Variants in SNTG1 observed in about 807,000 individuals in gnomAD.
SNTG1 encodes gamma-1-syntrophin.
In SNTG1, 39 loss-of-function variants were observed where a neutral mutation model predicts 74.7. The observed-to-expected ratio is 0.52, with a 90% CI of 0.40 to 0.68. SNTG1 has a LOEUF of 0.68. SNTG1 is among the 30% of genes least tolerant of loss of function. SNTG1 has a pLI of 0.00. For synonymous variants in SNTG1, 254 were observed against 217.1 expected, an observed-to-expected ratio of 1.17 and a Z score of -1.49; for missense variants, 685 against 609.5, an observed-to-expected ratio of 1.12 and a Z score of -1.30.
chr8:50,063,608 CA>C (rs1258943968), intron 1 of SNTG1, among the ~76,000 whole-genome samples: 1 of 152,152 alleles, frequency 6.6e-6, no homozygotes. Flanking sequence ...CATTTATGAC[CA>C]AACCACTTCT....
At chr8:49,944,479 A>G (rs1450399956) in intron 1 of SNTG1, among the ~76,000 whole-genome samples, 5 of 149,696 alleles carry the variant, frequency 3.3e-5, no homozygotes, top group Non-Finnish European at 5.9e-5. Context: ...TCGCAAGGAC[A>G]AAAAAACCAA....
chr8:50,272,482 G>T (rs1183470388), intron 2 of SNTG1, among the ~76,000 whole-genome samples: 2 of 152,114 alleles, frequency 1.3e-5, no homozygotes, highest in African/African-American at 4.8e-5. Flanking sequence ...GTGCTGTAAG[G>T]CACCAGGACA....
intron 13 of SNTG1, among the ~76,000 whole-genome samples, chr8:50,653,491 TA>T: frequency 6.6e-6 from 1 of 152,356 alleles, no homozygotes; most frequent in East Asian, 1.9e-4. Flanking sequence ...GCTATATAAC[TA>T]ATACCTTGTT....
intron 8 of SNTG1, among the ~76,000 whole-genome samples, chr8:50,452,507 G>A (rs1474520116): frequency 3.3e-5 from 5 of 151,892 alleles, no homozygotes; most frequent in African/African-American, 7.2e-5. Context: ...GCTGTTAGAC[G>A]GAATGCAATT....
chr8:50,705,655 T>C (rs2131535620), intron 16 of SNTG1, among the ~76,000 whole-genome samples: 1 of 152,336 alleles, frequency 6.6e-6, no homozygotes, highest in South Asian at 2.1e-4. Flanking sequence ...ATAGGTTGTT[T>C]GGAATTATCT....
chr8:50,671,903 A>T (rs2131348212), intron 15 of SNTG1, among the ~76,000 whole-genome samples: 1 of 151,832 alleles, frequency 6.6e-6, no homozygotes, highest in South Asian at 2.1e-4. Flanking sequence ...AGGGACATGG[A>T]TGAAATTGGA....
rs1196847216 is a variant in SNTG1 at position 50,657,014 on chromosome 8, C to A, written c.955C>A (p.Leu319Met). The change falls in exon 14 of 19, where the codon CTG becomes ATG. Residue 319 changes from leucine (L) to methionine (M), a missense_variant. Transcript: ENST00000642720. ...GAGGGGCTCATGTCTCTACAAGTTT[C>A]TGGCACCTCCAGTACGTGTTTTATT... ...ALRGSCLYKFLAPPVTTWDWT... is the reference protein window; with the variant it reads ...ALRGSCLYKFMAPPVTTWDWT... The A allele has an allele frequency of 1.3e-6, 2 of 1,546,032 alleles. No homozygotes were observed. The highest frequency in any genetic ancestry group is 2.8e-5 in the African/African-American group (2 of 71,758).
chr8:50,278,228 T>C (rs1373135642), intron 2 of SNTG1, among the ~76,000 whole-genome samples: 1 of 152,056 alleles, frequency 6.6e-6, no homozygotes, highest in Non-Finnish European at 1.5e-5. Flanking sequence ...ATTCCATGAA[T>C]TTTTCTTTCT....
At chr8:49,943,230 A>G (rs1808861064) in intron 1 of SNTG1, among the ~76,000 whole-genome samples, 1 of 152,228 alleles carries the variant, frequency 6.6e-6, no homozygotes, top group Non-Finnish European at 1.5e-5. Context: ...CCCAGGGATT[A>G]CATCCAAATT....
At position 50,792,822 on chromosome 8, in the gene SNTG1, C is replaced by A. The variant is rs145329448; in HGVS notation, c.1547C>A (p.Thr516Lys). Residue 516 changes from threonine to lysine, a missense_variant, in exon 19 of 19, where the codon ACA becomes AAA. Coordinates refer to ENST00000642720, the MANE Select transcript of SNTG1 (RefSeq NM_018967.5). Reference sequence around the variant, plus strand: ...GCTACCACGAGCAAAGCAAAGTATACAACTTGACATACTGAACTCTTCATT... The same window carrying A: ...GCTACCACGAGCAAAGCAAAGTATAAAACTTGACATACTGAACTCTTCATT... ...SSATTSKAKY[T>K]T is the part of the protein sequence containing the mutation. 2 of 1,611,374 alleles carry A rather than the reference C, an allele frequency of 1.2e-6. No homozygotes were observed. The highest frequency in any genetic ancestry group is 1.7e-6 in the Non-Finnish European group (2 of 1,178,342).
chr8:50,524,396 A>G (rs1224346387), intron 9 of SNTG1, among the ~76,000 whole-genome samples: 1 of 152,096 alleles, frequency 6.6e-6, no homozygotes, highest in African/African-American at 2.4e-5. Flanking sequence ...ATTATTTTCT[A>G]TTAAAAATAA....
chr8:50,089,115 A>G (rs1194755920), intron 1 of SNTG1, among the ~76,000 whole-genome samples: 2 of 151,210 alleles, frequency 1.3e-5, no homozygotes, highest in East Asian at 3.9e-4. Flanking sequence ...ATCTACAACT[A>G]TCTGATCTTT....
intron 1 of SNTG1, among the ~76,000 whole-genome samples, chr8:49,929,333 T>C (rs998308386): frequency 3.3e-5 from 5 of 152,164 alleles, no homozygotes; most frequent in African/African-American, 1.2e-4. Flanking sequence ...TCTTCCTAAA[T>C]ATGCAGCCAC....
At chr8:50,117,894 G>A (rs2080875701) in intron 1 of SNTG1, among the ~76,000 whole-genome samples, 1 of 152,052 alleles carries the variant, frequency 6.6e-6, no homozygotes, top group Non-Finnish European at 1.5e-5. Flanking sequence ...TAATTAGTGT[G>A]GTGAGATTTG....
intron 8 of SNTG1, among the ~76,000 whole-genome samples, chr8:50,464,424 T>G (rs2093592118): frequency 6.6e-6 from 1 of 152,192 alleles, no homozygotes; most frequent in South Asian, 2.1e-4. Flanking sequence ...TTACAGGCCA[T>G]GACAGCATAA....
intron 1 of SNTG1, among the ~76,000 whole-genome samples, chr8:49,946,925 C>T (rs1164574963): frequency 6.6e-6 from 1 of 152,158 alleles, no homozygotes; most frequent in East Asian, 1.9e-4. Context: ...ATTATATTAG[C>T]ATATTCAACA....
At chr8:50,309,998 T>A (rs2130742243) in intron 2 of SNTG1, among the ~76,000 whole-genome samples, 1 of 152,310 alleles carries the variant, frequency 6.6e-6, no homozygotes, top group East Asian at 1.9e-4. Context: ...GTAAAAATAG[T>A]CAAACAGCCC....
chr8:50,517,096 C>T (rs974410524), intron 9 of SNTG1, among the ~76,000 whole-genome samples: 1 of 152,176 alleles, frequency 6.6e-6, no homozygotes, highest in Non-Finnish European at 1.5e-5. Context: ...CAGCAGATGT[C>T]TCCGCAGAAA....
chr8:50,393,072 A>G (rs1017017023), intron 2 of SNTG1, among the ~76,000 whole-genome samples: 3 of 152,152 alleles, frequency 2.0e-5, no homozygotes, highest in Admixed American at 2.0e-4. Context: ...AAAATGTTTA[A>G]GAGCAATTTT....
Sources: allele counts gnomAD v4.1 joint callset (sites outside exome capture counted in the v4.1 genomes callset), GRCh38; gene constraint gnomAD v4.1.1; transcripts MANE v1.5; gene names NCBI Gene and HGNC (gene_info 2026-07-23, HGNC 2026-07-21).